HS3ST5: variants seen among roughly 807,000 people sequenced by gnomAD.
HS3ST5 encodes the protein heparan sulfate glucosamine 3-O-sulfotransferase 5.
A neutral mutation model predicts 25.4 loss-of-function variants in HS3ST5; 10 were observed. The ratio of observed to expected loss-of-function variants is 0.39; its 90% CI spans 0.24 to 0.67. HS3ST5 has a LOEUF of 0.67. Among genes scored for constraint, HS3ST5 ranks in the 30% least tolerant of loss-of-function variants. The pLI is 0.44. For missense variants in HS3ST5, 324 were observed against 420.7 expected, an observed-to-expected ratio of 0.77 and a Z score of 2.01; for synonymous variants, 170 against 162.4, an observed-to-expected ratio of 1.05 and a Z score of -0.36.
At chr6:114,299,425 C>G (rs1350659754) in intron 1 of HS3ST5, among the ~76,000 whole-genome samples, 2 of 152,116 alleles carry the variant, frequency 1.3e-5, no homozygotes, top group Non-Finnish European at 2.9e-5. Flanking sequence ...ATTCTATTAC[C>G]TTGTGAAGTA....
At chr6:114,097,178 A>G (rs1775476965) in intron 3 of HS3ST5, among the ~76,000 whole-genome samples, 1 of 151,996 alleles carries the variant, frequency 6.6e-6, no homozygotes, top group Admixed American at 6.6e-5. Flanking sequence ...ATGTATCTCT[A>G]TACATATATA....
intron 3 of HS3ST5, among the ~76,000 whole-genome samples, chr6:114,079,947 GT>G (rs544891113): frequency 5.3e-5 from 8 of 150,090 alleles, no homozygotes; most frequent in African/African-American, 1.7e-4. Context: ...GGCTAATTTT[GT>G]TTTTTTTTAG....
At chr6:114,306,256 T>TGTAC (rs1554226915) in intron 1 of HS3ST5, among the ~76,000 whole-genome samples, 1 of 115,420 alleles carries the variant, frequency 8.7e-6, no homozygotes, top group Non-Finnish European at 2.0e-5. Flanking sequence ...TATATATATA[T>TGTAC]ACACACACAC....
intron 1 of HS3ST5, among the ~76,000 whole-genome samples, chr6:114,245,197 CTAAGACTGCACAGAACAAA>C (rs1464464917): frequency 1.3e-5 from 2 of 152,012 alleles, no homozygotes; most frequent in African/African-American, 4.8e-5. Context: ...AGCATCTTGC[CTAAGACTGCACAGAACAAA>C]TACAAGAAGA....
intron 1 of HS3ST5, among the ~76,000 whole-genome samples, chr6:114,241,734 A>G (rs1772138308): frequency 6.6e-6 from 1 of 152,176 alleles, no homozygotes; most frequent in African/African-American, 2.4e-5. Flanking sequence ...AGGAGATTGG[A>G]AAATTTGATG....
At chr6:114,095,320 C>A (rs1460598085) in intron 3 of HS3ST5, among the ~76,000 whole-genome samples, 1 of 152,128 alleles carries the variant, frequency 6.6e-6, no homozygotes, top group African/African-American at 2.4e-5. Flanking sequence ...AGCATCTAAC[C>A]ACTCTGCATG....
intron 1 of HS3ST5, among the ~76,000 whole-genome samples, chr6:114,277,915 T>C (rs1773933683): frequency 6.6e-6 from 1 of 152,060 alleles, no homozygotes; most frequent in Non-Finnish European, 1.5e-5. Flanking sequence ...TACTCTGTCA[T>C]TTTAAAATGT....
At chr6:114,269,412 G>A (rs62442635) in intron 1 of HS3ST5, among the ~76,000 whole-genome samples, 133 of 152,278 alleles carry the variant, frequency 8.7e-4, no homozygotes, top group Non-Finnish European at 1.4e-3. Flanking sequence ...ACAGATTCAG[G>A]TAGCTCTAGA....
intron 1 of HS3ST5, among the ~76,000 whole-genome samples, chr6:114,281,532 G>A (rs533884477): frequency 1.0e-3 from 156 of 152,044 alleles, no homozygotes; most frequent in Non-Finnish European, 1.8e-3. Flanking sequence ...ATCACCTGTG[G>A]CCACATGGAA....
chr6:114,134,718 C>T (rs1333940301), intron 3 of HS3ST5, among the ~76,000 whole-genome samples: 7 of 152,078 alleles, frequency 4.6e-5, no homozygotes, highest in Non-Finnish European at 8.8e-5. Flanking sequence ...AAGCATCATT[C>T]CTATCTAGCT....
At chr6:114,226,332 A>C (rs1171663909) in intron 2 of HS3ST5, among the ~76,000 whole-genome samples, 2 of 151,988 alleles carry the variant, frequency 1.3e-5, no homozygotes, top group Non-Finnish European at 2.9e-5. Context: ...ATTATACCTA[A>C]AAATTATTTC....
intron 3 of HS3ST5, among the ~76,000 whole-genome samples, chr6:114,121,109 T>C (rs976120392): frequency 4.6e-5 from 7 of 152,362 alleles, no homozygotes; most frequent in Admixed American, 4.6e-4. Flanking sequence ...CAAACTCTAA[T>C]GTACCTCAGG....
At chr6:114,256,171 A>G (rs572367997) in intron 1 of HS3ST5, among the ~76,000 whole-genome samples, 6 of 152,058 alleles carry the variant, frequency 3.9e-5, no homozygotes, top group Non-Finnish European at 7.4e-5. Flanking sequence ...GGCAGATCAC[A>G]AGGTCAGGAC....
intron 1 of HS3ST5, among the ~76,000 whole-genome samples, chr6:114,242,695 T>C (rs1772186961): frequency 1.3e-5 from 2 of 151,604 alleles, no homozygotes; most frequent in African/African-American, 4.8e-5. Flanking sequence ...CTACTAAAAA[T>C]ACAAAAAATT....
chr6:114,204,486 A>G (rs548409485), intron 2 of HS3ST5, among the ~76,000 whole-genome samples: 6 of 152,328 alleles, frequency 3.9e-5, no homozygotes, highest in South Asian at 2.1e-4. Flanking sequence ...CATATCTTCA[A>G]AATAATACTA....
At chr6:114,244,853 A>G (rs1772308697) in intron 1 of HS3ST5, among the ~76,000 whole-genome samples, 1 of 152,210 alleles carries the variant, frequency 6.6e-6, no homozygotes, top group African/African-American at 2.4e-5. Flanking sequence ...TAAAAGGCTG[A>G]AAGATCACCT....
At chr6:114,207,847 C>T (rs1781344434) in intron 2 of HS3ST5, among the ~76,000 whole-genome samples, 2 of 152,086 alleles carry the variant, frequency 1.3e-5, no homozygotes, top group Admixed American at 6.6e-5. Flanking sequence ...TACCATATGT[C>T]TTATACTGTG....
Position 114,161,521 on chromosome 6 carries a change from T to TTATATATATA in HS3ST5, c.-33+6820_-33+6829dup, listed in dbSNP as rs59921019. ...AAAACGACAGTTGCTTCCTGAAGTT[T>TTATATATATA]TATATATATATATATATATATATAT... On this transcript the variant is annotated intron_variant, in intron 3 of 4. Coordinates refer to ENST00000312719, the MANE Select transcript of HS3ST5 (RefSeq NM_153612.4). Among the ~76,000 whole-genome samples, 170 of 33,488 alleles carry TTATATATATA rather than the reference T, an allele frequency of 5.1e-3. 6 individuals carry two copies. Among genetic ancestry groups the TTATATATATA allele is most frequent in the Non-Finnish European group, 6.5e-3 (116 of 17,758 alleles). 22.0% of individuals were successfully genotyped at this position (33,488 alleles called of 152,430 possible). A position where few individuals can be genotyped will look rare whatever the true frequency, so the allele number is the denominator to read the frequency against.
intron 1 of HS3ST5, among the ~76,000 whole-genome samples, chr6:114,248,217 A>AAAATATAT: frequency 1.4e-5 from 2 of 143,154 alleles, no homozygotes; most frequent in East Asian, 4.1e-4. Context: ...TGAAAAAAAA[A>AAAATATAT]ATATATATAT....
Sources: allele counts gnomAD v4.1 joint callset (sites outside exome capture counted in the v4.1 genomes callset), GRCh38; gene constraint gnomAD v4.1.1; transcripts MANE v1.5; gene names NCBI Gene and HGNC (gene_info 2026-07-23, HGNC 2026-07-21).